The following NAA38 variants were observed in gnomAD, a reference collection of about 807,000 sequenced individuals.
The protein encoded by NAA38 is N-alpha-acetyltransferase 38, NatC auxiliary subunit, also known as LSM domain containing 1.
In NAA38, 15 loss-of-function variants were observed where a neutral mutation model predicts 12.6. The ratio of observed to expected loss-of-function variants is 1.19; its 90% CI spans 0.79 to 1.83. The LOEUF is 1.83. Ranked by LOEUF, NAA38 falls within the 40% of genes most tolerant of loss-of-function variation. The pLI is 0.00. For missense variants in NAA38, 183 were observed against 171.7 expected, an observed-to-expected ratio of 1.07 and a Z score of -0.37; for synonymous variants, 88 against 69.9, an observed-to-expected ratio of 1.26 and a Z score of -1.29.
intron 3 of NAA38, among the ~76,000 whole-genome samples, chr17:7,866,253 ATTTTTTTTTTTTTTT>A (rs56289148): frequency 3.3e-5 from 3 of 90,590 alleles, no homozygotes; most frequent in Admixed American, 1.3e-4. Flanking sequence ...AGCCCGGCTA[ATTTTTTTTTTTTTTT>A]TTTTTTTTTT....
At chr17:7,869,304 C>T (rs1256230058) in intron 2 of NAA38, among the ~76,000 whole-genome samples, 1 of 152,130 alleles carries the variant, frequency 6.6e-6, no homozygotes, top group Non-Finnish European at 1.5e-5. Context: ...AGCTTGGATT[C>T]CAGGTGCTAC....
chr17:7,864,450 C>T (rs1236416166), intron 3 of NAA38: 2 of 152,214 alleles, frequency 1.3e-5, no homozygotes, highest in East Asian at 3.8e-4. Flanking sequence ...AGTAGCACCA[C>T]CATACCTGGC....
At position 7,878,491 on chromosome 17, in the gene NAA38, G is replaced by A. The variant is rs956443611; in HGVS notation, c.-66+4744C>T. Among the ~76,000 whole-genome samples, 7 of 152,160 alleles carry A rather than the reference G, an allele frequency of 4.6e-5. No homozygotes were observed. The South Asian group carries it at 1.5e-3, about 32-fold the overall frequency. On this transcript the variant is annotated intron_variant, in intron 2 of 4. Transcript: ENST00000576861. ...AATCTCAGCACTGTGGGAGGCCGAG[G>A]CAGGTGGATCACCTGAGGTCAGGAG...
intron 2 of NAA38, among the ~76,000 whole-genome samples, chr17:7,867,124 G>C (rs1372420037): frequency 2.0e-5 from 3 of 152,104 alleles, no homozygotes; most frequent in Non-Finnish European, 4.4e-5. Context: ...ACGTAGATTG[G>C]AGAGTTTGGA....
upstream of NAA38, chr17:7,858,740 G>T (rs749218063): frequency 6.2e-7 from 1 of 1,603,544 alleles, no homozygotes; most frequent in Admixed American, 1.7e-5. Context: ...GGCAGGGGTC[G>T]TATTATGAGG....
intron 1 of NAA38, among the ~76,000 whole-genome samples, chr17:7,884,446 T>TTATATATA (rs1476315958): frequency 9.8e-6 from 1 of 102,290 alleles, no homozygotes; most frequent in East Asian, 4.5e-4. Context: ...TCGAAAACTT[T>TTATATATA]TATATATATA....
chr17:7,857,826 A>G, upstream of NAA38: 1 of 1,351,014 alleles, frequency 7.4e-7, no homozygotes, highest in Non-Finnish European at 9.5e-7. Flanking sequence ...CAGGCCACTG[A>G]ATTAAAACGG....
intron 1 of NAA38, chr17:7,885,089 C>T (rs1057353456): frequency 1.0e-6 from 1 of 984,278 alleles, no homozygotes; most frequent in Non-Finnish European, 1.2e-6. Context: ...GCCAGGTAAG[C>T]GCCCGCCCCG....
chr17:7,880,985 A>G (rs1281661850), intron 2 of NAA38, among the ~76,000 whole-genome samples: 1 of 152,182 alleles, frequency 6.6e-6, no homozygotes, highest in Non-Finnish European at 1.5e-5. Flanking sequence ...CAAGTTAGTT[A>G]GGAGTACTGA....
chr17:7,858,060 G>T (rs2078846307), upstream of NAA38: 2 of 1,576,622 alleles, frequency 1.3e-6, no homozygotes, highest in Non-Finnish European at 1.7e-6. Context: ...CGCGACGGAG[G>T]TCGTAGTAGT....
At chr17:7,858,124 G>A, upstream of NAA38, 1 of 1,613,128 alleles carries the variant, frequency 6.2e-7, no homozygotes, top group Non-Finnish European at 8.5e-7. Flanking sequence ...GTGACCGACA[G>A]AGCAAGAGCC....
intron 2 of NAA38, among the ~76,000 whole-genome samples, chr17:7,872,842 G>A (rs989081155): frequency 6.6e-6 from 1 of 152,144 alleles, no homozygotes; most frequent in African/African-American, 2.4e-5. Context: ...AACACTTGAA[G>A]CAGTCAACAG....
chr17:7,873,913 T>C (rs1967129878), intron 2 of NAA38, among the ~76,000 whole-genome samples: 2 of 152,176 alleles, frequency 1.3e-5, no homozygotes, highest in Admixed American at 1.3e-4. Context: ...AGGAAGTCAC[T>C]GTGGAGAACT....
Position 7,857,179 on chromosome 17 carries a change from T to C in NAA38, c.101A>G (p.Glu34Gly), listed in dbSNP as rs1181610906. 2 of 1,613,146 alleles carry C rather than the reference T, an allele frequency of 1.2e-6. No individual in the cohort carries two copies. The highest frequency in any genetic ancestry group is 1.7e-6 in the Non-Finnish European group (2 of 1,180,030). Reference protein sequence around the residue: ...SSAGDSDGEREDSAAERARQQ... With the variant: ...SSAGDSDGERGDSAAERARQQ... The stretch of plus-strand genomic sequence containing the variant: ...TCGGGCGCGCTCAGCCGCCGAGTCC[T>C]CGCGCTCTCCGTCCGAATCCTGCGC... The change falls in exon 2 of 3, where the codon GAG (glutamate) becomes GGG (glycine). Residue 34 changes from glutamate (E) to glycine (G), a missense_variant. By Grantham distance (98) the Glu-to-Gly change is moderately conservative. Coordinates refer to ENST00000575771, the MANE Select transcript of NAA38 (RefSeq NM_001320925.4).
rs1476315958 is a variant in NAA38, at chr17:7,884,446, T to TTATATATATATA, written c.-167+718_-167+719insTATATATATATA. Among the ~76,000 whole-genome samples the TTATATATATATA allele has an allele frequency of 2.9e-5, 3 of 102,290 alleles. No homozygotes were observed. The East Asian group carries it at 1.3e-3, about 46-fold the overall frequency. The allele number at this position is 102,290 out of a possible 152,430, so 67.1% of individuals were successfully genotyped here. A position where few individuals can be genotyped will look rare whatever the true frequency, so the allele number is the denominator to read the frequency against. On this transcript the variant is annotated intron_variant, in intron 1 of 4. Coordinates refer to the NAA38 transcript ENST00000576861. The stretch of plus-strand genomic sequence containing the variant: ...GGGGGCAGAGAGAAGTCGAAAACTT[T>TTATATATATATA]TATATATATACATATATATATATAT...
upstream of NAA38, chr17:7,859,728 C>A: frequency 1.2e-6 from 1 of 859,564 alleles, no homozygotes; most frequent in Non-Finnish European, 1.9e-6. Flanking sequence ...CCACTCCTCT[C>A]CAGGAGCTAG....
intron 1 of NAA38, among the ~76,000 whole-genome samples, chr17:7,883,586 A>T (rs1967358222): frequency 6.6e-6 from 1 of 152,160 alleles, no homozygotes; most frequent in African/African-American, 2.4e-5. Flanking sequence ...AAAAAAACTC[A>T]ATCATCGTAT....
At chr17:7,867,195 G>T (rs1432143292) in intron 2 of NAA38, among the ~76,000 whole-genome samples, 2 of 152,132 alleles carry the variant, frequency 1.3e-5, no homozygotes, top group African/African-American at 2.4e-5. Flanking sequence ...GGAGGCGGGG[G>T]AGGGAAGCCA....
At chr17:7,881,262 A>T (rs1319104587) in intron 2 of NAA38, among the ~76,000 whole-genome samples, 1 of 60,798 alleles carries the variant, frequency 1.6e-5, no homozygotes, top group Non-Finnish European at 3.8e-5. Flanking sequence ...CTACCTATTT[A>T]GAAGTTAACT....
Sources: allele counts gnomAD v4.1 joint callset (sites outside exome capture counted in the v4.1 genomes callset), GRCh38; gene constraint gnomAD v4.1.1; transcripts MANE v1.5; gene names NCBI Gene and HGNC (gene_info 2026-07-23, HGNC 2026-07-21).